The following FAM135A variants were observed in gnomAD, a reference collection of about 807,000 sequenced individuals.
The protein encoded by FAM135A is protein FAM135A.
In FAM135A, 79 loss-of-function variants were observed where a neutral mutation model predicts 146.8. That is an observed-to-expected ratio of 0.54 (90% CI 0.45 to 0.65). The LOEUF is 0.65. Among genes scored for constraint, FAM135A ranks in the 30% least tolerant of loss-of-function variants. The pLI, the probability that FAM135A is intolerant of heterozygous loss-of-function variation, is 0.00. For missense variants in FAM135A, 1,623 were observed against 1,758.2 expected, an observed-to-expected ratio of 0.92 and a Z score of 1.38; for synonymous variants, 562 against 603.6, an observed-to-expected ratio of 0.93 and a Z score of 1.01.
At chr6:70,448,847 A>G (rs1278921141) in intron 4 of FAM135A, among the ~76,000 whole-genome samples, 1 of 152,260 alleles carries the variant, frequency 6.6e-6, no homozygotes, top group Non-Finnish European at 1.5e-5. Context: ...CAGATTGCTC[A>G]TGCTATTGTT....
At position 70,553,287 on chromosome 6, in the gene FAM135A, A is replaced by G. The variant is rs564812627; in HGVS notation, c.4229-3463A>G. Among the ~76,000 whole-genome samples the G allele has an allele frequency of 8.5e-5, 13 of 152,354 alleles. No individual in the cohort carries two copies. In the South Asian group the frequency reaches 2.3e-3, roughly 27 times the overall value. ...TCTCCTTTAACCTGTTGATTTGTTT[A>G]CATTCATTAACAATAGTTCCATACT... On this transcript the variant is annotated intron_variant, in intron 20 of 21. Coordinates refer to ENST00000418814, the MANE Select transcript of FAM135A (RefSeq NM_001162529.3).
chr6:70,502,494 A>C, intron 11 of FAM135A, 142 bp from the exon 12 acceptor site: 1 of 704,556 alleles, frequency 1.4e-6, no homozygotes, highest in Non-Finnish European at 2.2e-6. Context: ...TTGTCTCTAC[A>C]CATGTGCATG....
At chr6:70,521,890 G>T (rs1489247295) in intron 12 of FAM135A, among the ~76,000 whole-genome samples, 1 of 152,118 alleles carries the variant, frequency 6.6e-6, no homozygotes, top group Non-Finnish European at 1.5e-5. Context: ...GGATGCAAAG[G>T]TCATCAAAAC....
At chr6:70,537,271 A>T (rs562182588) in intron 19 of FAM135A, among the ~76,000 whole-genome samples, 1 of 152,090 alleles carries the variant, frequency 6.6e-6, no homozygotes, top group African/African-American at 2.4e-5. Flanking sequence ...TTTCCCTTAG[A>T]TGTTTGCAAA....
chr6:70,423,944 A>T (rs1769446074), intron 2 of FAM135A, among the ~76,000 whole-genome samples: 1 of 152,200 alleles, frequency 6.6e-6, no homozygotes, highest in South Asian at 2.1e-4. Context: ...CCTCCCACAC[A>T]TACCCAACAT....
At chr6:70,501,005 G>A (rs1211062988) in intron 11 of FAM135A, among the ~76,000 whole-genome samples, 1 of 152,164 alleles carries the variant, frequency 6.6e-6, no homozygotes, top group Non-Finnish European at 1.5e-5. Flanking sequence ...CAGAGCTGGT[G>A]CACTGTGCTC....
chr6:70,514,702 C>G (rs1215658404), intron 12 of FAM135A, among the ~76,000 whole-genome samples: 6 of 136,924 alleles, frequency 4.4e-5, no homozygotes, highest in African/African-American at 1.9e-4. Context: ...AGGAAAACTT[C>G]TAATTGATGA....
At position 70,486,963 on chromosome 6, in the gene FAM135A, A is replaced by G. The variant is rs572626757; in HGVS notation, c.824-4071A>G. ...AAACCTAGTTTTCTGCACTGCAGAA[A>G]TAGAGAAGAGATGGGAGGCTGAGGC... On this transcript the variant is annotated intron_variant, in intron 10 of 21. Transcript: ENST00000418814. Among the ~76,000 whole-genome samples the G allele has an allele frequency of 3.9e-4, 60 of 152,036 alleles. No individual in the cohort carries two copies. The South Asian group carries it at 8.5e-3, about 22-fold the overall frequency.
At position 70,528,596 on chromosome 6, in the gene FAM135A, A is replaced by C. The variant is rs191975854; in HGVS notation, c.3775+144A>C. The stretch of plus-strand genomic sequence containing the variant: ...TTGAATCTTAAATGCATTCTGAAAC[A>C]GAAATATGCTTAATTTTAATTATCC... On this transcript the variant is annotated intron_variant, in intron 16 of 21. Coordinates refer to ENST00000418814, the MANE Select transcript of FAM135A (RefSeq NM_001162529.3). 3.1e-5 allele frequency: 20 copies of C among 654,692 alleles called. No homozygotes were observed. In the Admixed American group the frequency reaches 6.8e-4, roughly 22 times the overall value. 40.6% of individuals were successfully genotyped at this position (654,692 alleles called of 1,614,324 possible). A position where few individuals can be genotyped will look rare whatever the true frequency, so the allele number is the denominator to read the frequency against.
At chr6:70,423,635 T>G (rs1769359152) in intron 2 of FAM135A, among the ~76,000 whole-genome samples, 1 of 152,220 alleles carries the variant, frequency 6.6e-6, no homozygotes, top group Non-Finnish European at 1.5e-5. Flanking sequence ...TCACTTCAGT[T>G]TACATTCCAT....
intron 11 of FAM135A, among the ~76,000 whole-genome samples, chr6:70,494,047 C>T (rs1786655661): frequency 2.0e-5 from 2 of 99,452 alleles, no homozygotes; most frequent in African/African-American, 4.4e-5. Context: ...GAGTGAGACT[C>T]TGTCTCAAAA....
chr6:70,419,174 A>G (rs1316905219), intron 2 of FAM135A, among the ~76,000 whole-genome samples: 1 of 152,164 alleles, frequency 6.6e-6, no homozygotes. Context: ...TAATCCCAGC[A>G]CTTTGGGAGG....
At chr6:70,464,658 C>CTTTTTTTTTTTTTTTTTTTTTTTTTTTTT (rs754818109) in intron 5 of FAM135A, among the ~76,000 whole-genome samples, 7 of 100,450 alleles carry the variant, frequency 7.0e-5, no homozygotes, top group African/African-American at 2.6e-4. Flanking sequence ...TTCTTTCTTT[C>CTTTTTTTTTTTTTTTTTTTTTTTTTTTTT]TTTTTTTTCT....
At chr6:70,491,670 C>G (rs747360380) in intron 11 of FAM135A, among the ~76,000 whole-genome samples, 9 of 151,858 alleles carry the variant, frequency 5.9e-5, no homozygotes, top group Non-Finnish European at 1.3e-4. Flanking sequence ...TGAATGAAGA[C>G]TAGACCTGTT....
intron 10 of FAM135A, chr6:70,486,019 G>A (rs558481533): frequency 1.1e-5 from 6 of 539,926 alleles, no homozygotes; most frequent in Non-Finnish European, 2.0e-5. Flanking sequence ...ATACTTGAAT[G>A]TACATCATTT....
chr6:70,427,869 C>A (rs1770559049), intron 3 of FAM135A, among the ~76,000 whole-genome samples: 1 of 152,014 alleles, frequency 6.6e-6, no homozygotes, highest in Non-Finnish European at 1.5e-5. Flanking sequence ...TAAAGAAAAA[C>A]CTTTCATCAG....
intron 20 of FAM135A, among the ~76,000 whole-genome samples, chr6:70,545,396 T>G (rs1003032556): frequency 1.3e-5 from 2 of 152,092 alleles, no homozygotes; most frequent in Non-Finnish European, 2.9e-5. Context: ...GTGGATCACC[T>G]GAGGTCAGGA....
chr6:70,522,424 A>G, intron 12 of FAM135A, 89 bp from the exon 13 acceptor site: 4 of 1,064,768 alleles, frequency 3.8e-6, no homozygotes, highest in East Asian at 4.8e-5. Flanking sequence ...GGAAGGCGTA[A>G]TGGAGGCAGT....
intron 2 of FAM135A, among the ~76,000 whole-genome samples, chr6:70,415,989 A>C (rs1193556714): frequency 1.3e-5 from 2 of 152,208 alleles, no homozygotes; most frequent in African/African-American, 2.4e-5. Flanking sequence ...TAGACTGTGT[A>C]GTAAGAGTAT....
Sources: allele counts gnomAD v4.1 joint callset (sites outside exome capture counted in the v4.1 genomes callset), GRCh38; gene constraint gnomAD v4.1.1; transcripts MANE v1.5; gene names NCBI Gene and HGNC (gene_info 2026-07-23, HGNC 2026-07-21).